MYO7A: variants seen among roughly 807,000 people sequenced by gnomAD.
MYO7A encodes the protein myosin VIIA.
MYO7A carries 210 observed loss-of-function variants against 263.8 expected under a neutral mutation model. The ratio of observed to expected loss-of-function variants is 0.80; its 90% confidence interval spans 0.71 to 0.89. The LOEUF (loss-of-function observed/expected upper bound fraction) is 0.89. Among genes scored for constraint, MYO7A ranks in the 40% least tolerant of loss-of-function variants. The pLI, the probability that MYO7A is intolerant of heterozygous loss-of-function variation, is 0.00. For missense variants in MYO7A, 2,820 were observed against 2,968.3 expected (o/e 0.95, Z 1.16); for synonymous variants, 1,239 against 1,197.3 (o/e 1.03, Z -0.72).
chr11:77,137,019 A>C (rs541589044), intron 2 of MYO7A, among the ~76,000 whole-genome samples: 8 of 151,982 alleles, frequency 5.3e-5, no homozygotes, highest in Admixed American at 2.0e-4. Flanking sequence ...GGTTATATGA[A>C]CTCGTGGTAG....
chr11:77,160,963 T>C lies in MYO7A; in HGVS notation c.1201-10T>C. The C allele has an allele frequency of 6.3e-7, 1 of 1,590,906 alleles. No homozygotes were observed. The highest frequency in any genetic ancestry group is 8.5e-7 in the Non-Finnish European group (1 of 1,169,798). Reference sequence around the variant, plus strand: ...GTGGCTGGTGCCAGTGGCTGATCACTGCCTTTCAGGGGATCTACGGGCGGC... The same window carrying C: ...GTGGCTGGTGCCAGTGGCTGATCACCGCCTTTCAGGGGATCTACGGGCGGC... On this transcript the variant is annotated splice_polypyrimidine_tract_variant and intron_variant, in intron 11 of 48. Transcript: ENST00000409709.
chr11:77,172,955 G>A, intron 16 of MYO7A, 70 bp downstream of exon 16: 1 of 1,492,012 alleles, frequency 6.7e-7, no homozygotes, highest in Non-Finnish European at 9.0e-7. Context: ...TCAAGAATAA[G>A]GTAGGGTGGG....
intron 45 of MYO7A, 33 bp downstream of exon 45, chr11:77,211,370 GC>G: frequency 6.4e-7 from 1 of 1,551,952 alleles, no homozygotes; most frequent in Non-Finnish European, 8.7e-7. Context: ...GAATGGTGGG[GC>G]CCTGAATGGG....
chr11:77,201,927 A>G (rs1451110750), intron 36 of MYO7A, among the ~76,000 whole-genome samples: 2 of 151,964 alleles, frequency 1.3e-5, no homozygotes, highest in Admixed American at 6.5e-5. Context: ...CACAGCTGGG[A>G]AGGGGGCCCT....
At chr11:77,157,028 A>G in intron 7 of MYO7A, 24 bp downstream of exon 7, 9 of 1,607,782 alleles carry the variant, frequency 5.6e-6, no homozygotes, top group South Asian at 1.1e-5. Flanking sequence ...CCAGGGATGC[A>G]GGAATAGACC....
At position 77,201,553 on chromosome 11, in the gene MYO7A, A is replaced by G. The variant is rs1957065256; in HGVS notation, c.4958A>G (p.Asn1653Ser). The G allele has an allele frequency of 1.2e-6, 2 of 1,613,902 alleles. No individual in the cohort carries two copies. Among genetic ancestry groups the G allele is most frequent in the South Asian group, 2.2e-5 (2 of 91,082 alleles). Reference protein sequence around the residue: ...VMNSGWANGINERTKQRGDFP... With the variant: ...VMNSGWANGISERTKQRGDFP... Reference sequence around the variant, plus strand: ...AACTCGGGCTGGGCCAACGGCATCAATGAGAGGACCAAGCAGCGTGGGGAC... The same window carrying G: ...AACTCGGGCTGGGCCAACGGCATCAGTGAGAGGACCAAGCAGCGTGGGGAC... The change falls in exon 36 of 49, where the codon AAT becomes AGT. Residue 1653 changes from asparagine (N) to serine (S), a missense_variant. Transcript: ENST00000409709.
chr11:77,174,830 T>C lies in MYO7A; in HGVS notation c.2010T>C (p.Ala670=). 1 of 1,613,570 alleles carries C rather than the reference T, an allele frequency of 6.2e-7. No homozygotes were observed. ...TGGAGACCATCCGAATCCGCCGAGC[T>C]GGCTACCCCATCCGCTACAGCTTCG... ...GMMETIRIRR[A]GYPIRYSFVE... is the part of the protein sequence containing the mutation. The change falls in exon 17 of 49, where the codon GCT becomes GCC. Residue 670 remains alanine (A), a synonymous_variant. Coordinates refer to ENST00000409709, the MANE Select transcript of MYO7A (RefSeq NM_000260.4).
chr11:77,143,937 G>A (rs1951384510), intron 3 of MYO7A, among the ~76,000 whole-genome samples: 1 of 152,152 alleles, frequency 6.6e-6, no homozygotes, highest in Non-Finnish European at 1.5e-5. Context: ...TCCCCTCAGA[G>A]TTTGCAAGAC....
intron 30 of MYO7A, among the ~76,000 whole-genome samples, chr11:77,191,722 G>C (rs1956092653): frequency 6.6e-6 from 1 of 152,216 alleles, no homozygotes. Context: ...CCCAGGGGAG[G>C]TACCGTGTTG....
chr11:77,129,849 G>A (rs1320930260), intron 1 of MYO7A, among the ~76,000 whole-genome samples: 35 of 152,192 alleles, frequency 2.3e-4, no homozygotes, highest in East Asian at 1.9e-4. Flanking sequence ...AAGAGCTGGC[G>A]TATTTCAGGA....
intron 18 of MYO7A, 112 bp from the exon 19 acceptor site, chr11:77,177,437 A>G (rs1482364423): frequency 8.2e-6 from 7 of 852,226 alleles, no homozygotes; most frequent in South Asian, 6.1e-5. Flanking sequence ...ATGGGGCCCA[A>G]CTGAGTTCTT....
intron 23 of MYO7A, 49 bp downstream of exon 23, chr11:77,181,638 G>A: frequency 6.4e-7 from 1 of 1,557,882 alleles, no homozygotes; most frequent in Non-Finnish European, 8.8e-7. Context: ...CACCGCTTGT[G>A]TTGATCCTCC....
chr11:77,190,147 C>T lies in MYO7A; in HGVS notation c.3750+8C>T, dbSNP rs930330204. 5.7e-5 allele frequency: 89 copies of T among 1,553,102 alleles called. No homozygotes were observed. Among genetic ancestry groups the T allele is most frequent in the East Asian group, 9.7e-5 (4 of 41,440 alleles). On this transcript the variant is annotated splice_region_variant and intron_variant, in intron 29 of 48. Transcript: ENST00000409709. ...AGCTGGCTGGAGCTGCAGGTTCGTG[C>T]GTGTGTATGCACGTGCTCGTGTGCA...
chr11:77,174,329 C>T (rs539136658), intron 16 of MYO7A, among the ~76,000 whole-genome samples: 1 of 152,338 alleles, frequency 6.6e-6, no homozygotes, highest in Admixed American at 6.5e-5. Flanking sequence ...CACCCCTCAC[C>T]TGCACAGCCA....
chr11:77,193,247 T>C (rs1280981304), intron 31 of MYO7A, among the ~76,000 whole-genome samples: 1 of 105,378 alleles, frequency 9.5e-6, no homozygotes, highest in Non-Finnish European at 2.1e-5. Flanking sequence ...AGGGATGATG[T>C]TAGTGATGGT....
At chr11:77,163,103 CATAT>C in intron 14 of MYO7A, 115 bp downstream of exon 14, 21 of 898,230 alleles carry the variant, frequency 2.3e-5, no homozygotes, top group East Asian at 6.0e-5. Context: ...TGTGATTATT[CATAT>C]ATATATATAT....
chr11:77,193,028 GTGT>G lies in MYO7A; in HGVS notation c.4152+756_4152+758del, dbSNP rs1384734115. Among the ~76,000 whole-genome samples the G allele has an allele frequency of 3.2e-3, 365 of 115,506 alleles. 62 individuals are homozygous for G. Among genetic ancestry groups the G allele is most frequent in the African/African-American group, 0.018 (327 of 17,860 alleles). The allele number at this position is 115,506 out of a possible 152,430, so 75.8% of individuals were successfully genotyped here. On this transcript the variant is annotated intron_variant, in intron 31 of 48. Transcript: ENST00000409709. ...GTTGGTGATGGTGGAGGTAGCGATG[GTGT>G]TGTTGGTGATGGTGGAGGTGGTGAT...
chr11:77,214,122 C>T, intron 48 of MYO7A, 143 bp downstream of exon 48: 1 of 1,149,978 alleles, frequency 8.7e-7, no homozygotes, highest in Non-Finnish European at 1.2e-6. Context: ...AAGGTCAGGT[C>T]AGTTTGAGGC....
intron 3 of MYO7A, 33 bp downstream of exon 3, chr11:77,142,855 C>G: frequency 6.5e-7 from 1 of 1,527,574 alleles, no homozygotes; most frequent in Non-Finnish European, 8.9e-7. Flanking sequence ...CTGCCCCATG[C>G]CTTGGGGTCA....
Sources: allele counts gnomAD v4.1 joint callset (sites outside exome capture counted in the v4.1 genomes callset), GRCh38; gene constraint gnomAD v4.1.1; transcripts MANE v1.5; gene names NCBI Gene and HGNC (gene_info 2026-07-23, HGNC 2026-07-21).